The following GPATCH2 variants were observed in gnomAD, a reference collection of about 807,000 sequenced individuals.
GPATCH2 encodes the protein G patch domain-containing protein 2.
GPATCH2 carries 51 observed loss-of-function variants against 58.0 expected under a neutral mutation model. The ratio of observed to expected loss-of-function variants is 0.88; its 90% CI spans 0.70 to 1.11. The LOEUF is 1.11. Ranked by LOEUF, GPATCH2 falls within the 50% of genes most tolerant of loss-of-function variation. The pLI is 0.00. For synonymous variants in GPATCH2, 222 were observed against 218.5 expected (o/e 1.02, Z -0.14); for missense variants, 625 against 652.2 (o/e 0.96, Z 0.45).
Position 217,573,725 on chromosome 1 carries a change from A to C in GPATCH2, c.1098+36596T>G, listed in dbSNP as rs192288763. On this transcript the variant is annotated intron_variant, in intron 5 of 9. Transcript: ENST00000366935. ...GTGTCATTTTCTTATTAGGAGTCCA[A>C]GGTGACTGCTTATGTTTTGAACACT... 1.4e-3 allele frequency among the ~76,000 whole-genome samples: 220 copies of C among 152,364 alleles called. 1 individual carries two copies. The highest frequency in any genetic ancestry group is 4.7e-3 in the African/African-American group (197 of 41,596).
chr1:217,611,096 C>A (rs747852874), intron 3 of GPATCH2, 25 bp from the exon 4 acceptor site: 12 of 1,587,094 alleles, frequency 7.6e-6, no homozygotes, highest in Non-Finnish European at 9.4e-6. Context: ...GAAACCCCCC[C>A]CCACCAAAGA....
intron 8 of GPATCH2, among the ~76,000 whole-genome samples, chr1:217,453,215 A>G (rs1048675936): frequency 6.6e-6 from 1 of 152,216 alleles, no homozygotes; most frequent in African/African-American, 2.4e-5. Context: ...TTTCTTCTGC[A>G]GTGTTTTGAG....
intron 8 of GPATCH2, among the ~76,000 whole-genome samples, chr1:217,459,194 T>C (rs529462582): frequency 6.6e-6 from 1 of 152,326 alleles, no homozygotes; most frequent in South Asian, 2.1e-4. Context: ...TTTGACAAAG[T>C]ATCAGTTATT....
At chr1:217,613,100 T>C (rs1668711933) in intron 3 of GPATCH2, among the ~76,000 whole-genome samples, 1 of 152,064 alleles carries the variant, frequency 6.6e-6, no homozygotes. Flanking sequence ...AAGATCTGTA[T>C]TTTAATGAGA....
At chr1:217,464,677 T>C (rs1660360239) in intron 8 of GPATCH2, among the ~76,000 whole-genome samples, 1 of 152,086 alleles carries the variant, frequency 6.6e-6, no homozygotes, top group African/African-American at 2.4e-5. Context: ...ACGGTCTTAA[T>C]AAAAATATTG....
intron 5 of GPATCH2, among the ~76,000 whole-genome samples, chr1:217,588,861 T>A (rs1281995415): frequency 6.6e-6 from 1 of 152,150 alleles, no homozygotes; most frequent in Non-Finnish European, 1.5e-5. Context: ...TAAAGAAATA[T>A]CCCACTATTC....
At chr1:217,581,650 G>C (rs1243092073) in intron 5 of GPATCH2, among the ~76,000 whole-genome samples, 1 of 152,166 alleles carries the variant, frequency 6.6e-6, no homozygotes, top group East Asian at 1.9e-4. Context: ...CAAGAGAACA[G>C]TGTGAAATAT....
intron 9 of GPATCH2, among the ~76,000 whole-genome samples, chr1:217,434,469 C>T (rs185970206): frequency 6.6e-6 from 1 of 152,230 alleles, no homozygotes; most frequent in Non-Finnish European, 1.5e-5. Flanking sequence ...ATCAGGTATG[C>T]CAGGTTAAAC....
At chr1:217,514,696 G>A in intron 6 of GPATCH2, 126 bp downstream of exon 6, 1 of 486,702 alleles carries the variant, frequency 2.1e-6, no homozygotes, top group South Asian at 5.1e-5. Context: ...ATTATCAATG[G>A]TAAATTATAC....
chr1:217,490,053 C>G (rs578049009), intron 8 of GPATCH2, among the ~76,000 whole-genome samples: 37 of 152,282 alleles, frequency 2.4e-4, no homozygotes, highest in Non-Finnish European at 4.9e-4. Context: ...GAAATACACC[C>G]TTTAAAACTT....
chr1:217,465,591 A>G (rs544765233), intron 8 of GPATCH2, among the ~76,000 whole-genome samples: 12 of 152,200 alleles, frequency 7.9e-5, no homozygotes, highest in Admixed American at 2.0e-4. Flanking sequence ...ATGAGATCTG[A>G]TTGGTTTATC....
At chr1:217,560,239 G>A (rs1055424985) in intron 5 of GPATCH2, among the ~76,000 whole-genome samples, 1 of 152,138 alleles carries the variant, frequency 6.6e-6, no homozygotes, top group African/African-American at 2.4e-5. Context: ...CAAGAGCCTT[G>A]CCTACATCCA....
intron 2 of GPATCH2, among the ~76,000 whole-genome samples, chr1:217,617,877 A>C (rs1038181538): frequency 6.6e-6 from 1 of 152,164 alleles, no homozygotes; most frequent in Non-Finnish European, 1.5e-5. Flanking sequence ...ACTTTTTACA[A>C]TGAAAAGAAA....
At chr1:217,573,893 C>A (rs1666684035) in intron 5 of GPATCH2, among the ~76,000 whole-genome samples, 1 of 152,202 alleles carries the variant, frequency 6.6e-6, no homozygotes, top group Non-Finnish European at 1.5e-5. Flanking sequence ...TGTTAATGAT[C>A]TGATTCTATT....
chr1:217,568,278 G>A (rs1027373939), intron 5 of GPATCH2, among the ~76,000 whole-genome samples: 6 of 152,028 alleles, frequency 3.9e-5, no homozygotes, highest in African/African-American at 9.7e-5. Context: ...AAGTTAAAAC[G>A]CAGGATTAAA....
chr1:217,536,669 A>G (rs1220713926), intron 5 of GPATCH2, among the ~76,000 whole-genome samples: 1 of 152,104 alleles, frequency 6.6e-6, no homozygotes, highest in Non-Finnish European at 1.5e-5. Context: ...ATCAATAACT[A>G]TATTCTTAAA....
At chr1:217,574,702 T>C (rs1419639647) in intron 5 of GPATCH2, among the ~76,000 whole-genome samples, 3 of 152,210 alleles carry the variant, frequency 2.0e-5, no homozygotes, top group Non-Finnish European at 4.4e-5. Flanking sequence ...AGGTAAAGAT[T>C]ACTATTCCCA....
intron 6 of GPATCH2, among the ~76,000 whole-genome samples, chr1:217,505,609 T>TTTCAG (rs1178752098): frequency 6.6e-6 from 1 of 152,080 alleles, no homozygotes; most frequent in East Asian, 1.9e-4. Flanking sequence ...TGAGGTCTCC[T>TTTCAG]AAAAATGTAC....
At chr1:217,523,872 C>T (rs1571857153) in intron 5 of GPATCH2, among the ~76,000 whole-genome samples, 1 of 147,656 alleles carries the variant, frequency 6.8e-6, no homozygotes, top group East Asian at 2.1e-4. Flanking sequence ...CACCTCCCTC[C>T]CGGATGGGGC....
Sources: allele counts gnomAD v4.1 joint callset (sites outside exome capture counted in the v4.1 genomes callset), GRCh38; gene constraint gnomAD v4.1.1; transcripts MANE v1.5; gene names NCBI Gene and HGNC (gene_info 2026-07-23, HGNC 2026-07-21).